The following EPHA5 variants were observed in gnomAD, a reference collection of about 807,000 sequenced individuals.
EPHA5 encodes ephrin type-A receptor 5.
In EPHA5, 60 loss-of-function variants were observed where a neutral mutation model predicts 105.0. The observed-to-expected ratio is 0.57, with a 90% CI of 0.46 to 0.71. The LOEUF (loss-of-function observed/expected upper bound fraction) is 0.71. Among genes scored for constraint, EPHA5 ranks in the 30% least tolerant of loss-of-function variants. EPHA5 has a pLI of 0.00. For synonymous variants in EPHA5, 513 were observed against 449.1 expected (o/e 1.14, Z -1.80); for missense variants, 1,218 against 1,274.7 (o/e 0.96, Z 0.68).
chr4:65,541,881 AAC>A (rs1411384144), intron 3 of EPHA5, among the ~76,000 whole-genome samples: 1 of 152,020 alleles, frequency 6.6e-6, no homozygotes, highest in Non-Finnish European at 1.5e-5. Context: ...CTGAAATCGT[AAC>A]AGACAGTCTC....
intron 5 of EPHA5, among the ~76,000 whole-genome samples, chr4:65,444,008 T>A (rs1726275060): frequency 6.6e-6 from 1 of 152,186 alleles, no homozygotes; most frequent in South Asian, 2.1e-4. Context: ...TGATTTGTAC[T>A]GTAACAGGAA....
intron 2 of EPHA5, among the ~76,000 whole-genome samples, chr4:65,612,370 T>A (rs539585083): frequency 1.1e-3 from 162 of 152,232 alleles, no homozygotes; most frequent in African/African-American, 3.7e-3. Context: ...TATTCCACTC[T>A]CTATATCCGT....
chr4:65,648,895 C>T (rs1310712827), intron 1 of EPHA5, among the ~76,000 whole-genome samples: 2 of 152,090 alleles, frequency 1.3e-5, no homozygotes, highest in African/African-American at 2.4e-5. Flanking sequence ...CTGCAGGGAA[C>T]AAAGAACAGT....
At chr4:65,599,925 T>A (rs1743548487) in intron 3 of EPHA5, among the ~76,000 whole-genome samples, 1 of 152,142 alleles carries the variant, frequency 6.6e-6, no homozygotes, top group South Asian at 2.1e-4. Context: ...ACAATCAAAA[T>A]GCATCCTCGA....
chr4:65,567,309 G>C lies in EPHA5; in HGVS notation c.910+34332C>G, dbSNP rs539363206. Among the ~76,000 whole-genome samples, 49 of 151,620 alleles carry C rather than the reference G, an allele frequency of 3.2e-4. No homozygotes were observed. The South Asian group carries it at 1.0e-2, about 31-fold the overall frequency. On this transcript the variant is annotated intron_variant, in intron 3 of 16. Coordinates refer to ENST00000613740, the MANE Select transcript of EPHA5 (RefSeq NM_001281766.3). ...CGTCATTCAACAAGGTTTCATCAGA[G>C]CACTTATATTCTAAGTTTTAATACT...
At chr4:65,330,696 G>A (rs545390318) in intron 16 of EPHA5, 10 of 847,236 alleles carry the variant, frequency 1.2e-5, no homozygotes, top group Non-Finnish European at 1.4e-5. Flanking sequence ...AAATTAAATA[G>A]CAATCATGTA....
intron 13 of EPHA5, 98 bp downstream of exon 13, chr4:65,351,291 C>G: frequency 1.8e-6 from 2 of 1,109,332 alleles, no homozygotes; most frequent in Non-Finnish European, 2.6e-6. Flanking sequence ...TTCTTTTTGA[C>G]TTTGTTGCAG....
Position 65,411,121 on chromosome 4 carries a change from T to C in EPHA5, c.1687+3163A>G, listed in dbSNP as rs1318513882. ...ATTTTAAATATATTATTTTTATGCA[T>C]GATAAAATTAAAATGAAGAAGTTAA... On this transcript the variant is annotated intron_variant, in intron 7 of 16. Coordinates refer to ENST00000613740, the MANE Select transcript of EPHA5 (RefSeq NM_001281766.3). Among the ~76,000 whole-genome samples, 3 of 152,038 alleles carry C rather than the reference T, an allele frequency of 2.0e-5. No individual in the cohort carries two copies. The South Asian group carries it at 6.2e-4, about 31-fold the overall frequency.
intron 11 of EPHA5, among the ~76,000 whole-genome samples, chr4:65,355,126 G>A (rs1325825258): frequency 6.6e-6 from 1 of 151,642 alleles, no homozygotes; most frequent in African/African-American, 2.4e-5. Flanking sequence ...AAGGTGGCCA[G>A]AGTTCCAGGA....
chr4:65,395,641 G>C (rs1370960358), intron 8 of EPHA5, among the ~76,000 whole-genome samples: 1 of 152,140 alleles, frequency 6.6e-6, no homozygotes, highest in Non-Finnish European at 1.5e-5. Flanking sequence ...CAAATGGATT[G>C]AGTTTCAATT....
intron 11 of EPHA5, among the ~76,000 whole-genome samples, chr4:65,354,821 C>G (rs79589115): frequency 6.6e-6 from 1 of 151,610 alleles, no homozygotes; most frequent in Non-Finnish European, 1.5e-5. Flanking sequence ...TAAAACTCAC[C>G]GTTTATAATA....
At chr4:65,629,165 T>C (rs1402946988) in intron 2 of EPHA5, among the ~76,000 whole-genome samples, 1 of 148,168 alleles carries the variant, frequency 6.7e-6, no homozygotes, top group Non-Finnish European at 1.5e-5. Context: ...ACAGTAAAGG[T>C]TGTCTTCCTC....
At chr4:65,631,753 T>TAAA (rs33969166) in intron 2 of EPHA5, among the ~76,000 whole-genome samples, 35 of 150,972 alleles carry the variant, frequency 2.3e-4, no homozygotes, top group Non-Finnish European at 4.7e-4. Flanking sequence ...ATAATAATAA[T>TAAA]AAAAGAGATT....
chr4:65,348,659 G>GAT (rs36206921), intron 13 of EPHA5, among the ~76,000 whole-genome samples: 227 of 60,136 alleles, frequency 3.8e-3, no homozygotes, highest in African/African-American at 0.012. Flanking sequence ...AAACATTGGA[G>GAT]ATATATATAT....
At chr4:65,667,693 T>A (rs892515793) in intron 1 of EPHA5, among the ~76,000 whole-genome samples, 21 of 152,204 alleles carry the variant, frequency 1.4e-4, no homozygotes, top group African/African-American at 5.1e-4. Context: ...GTCTTGGCTC[T>A]TGTTCCCATT....
chr4:65,490,374 T>A lies in EPHA5; in HGVS notation c.1402+3A>T. 1 of 1,612,972 alleles carries A rather than the reference T, an allele frequency of 6.2e-7. No individual in the cohort carries two copies. Among genetic ancestry groups the A allele is most frequent in the Non-Finnish European group, 8.5e-7 (1 of 1,179,128 alleles). On this transcript the variant is annotated splice_donor_region_variant and intron_variant, in intron 5 of 16. Coordinates refer to ENST00000613740, the MANE Select transcript of EPHA5 (RefSeq NM_001281766.3). ...ACACAATTGGGTTGGGCATGGCACT[T>A]ACCTGCTTGATTTGTGGTTACATTT...
At chr4:65,631,707 T>A (rs571032322) in intron 2 of EPHA5, among the ~76,000 whole-genome samples, 1 of 141,114 alleles carries the variant, frequency 7.1e-6, no homozygotes, top group Non-Finnish European at 1.6e-5. Flanking sequence ...CCAACTGCAG[T>A]TGGACATGTA....
intron 8 of EPHA5, among the ~76,000 whole-genome samples, chr4:65,379,225 AG>A (rs1330477660): frequency 6.6e-6 from 1 of 151,716 alleles, no homozygotes; most frequent in Non-Finnish European, 1.5e-5. Flanking sequence ...CATTTTATAA[AG>A]TTATCTTAAT....
chr4:65,367,665 T>C (rs1490050206), intron 8 of EPHA5, among the ~76,000 whole-genome samples: 2 of 152,098 alleles, frequency 1.3e-5, no homozygotes, highest in African/African-American at 4.8e-5. Context: ...CAAACCTGTT[T>C]TTAAACTTCC....
Sources: allele counts gnomAD v4.1 joint callset (sites outside exome capture counted in the v4.1 genomes callset), GRCh38; gene constraint gnomAD v4.1.1; transcripts MANE v1.5; gene names NCBI Gene and HGNC (gene_info 2026-07-23, HGNC 2026-07-21).